The following ITGAM variants were observed in gnomAD, a reference collection of about 807,000 sequenced individuals.
ITGAM encodes the protein integrin alpha-M.
A neutral mutation model predicts 137.5 loss-of-function variants in ITGAM; 79 were observed. The ratio of observed to expected loss-of-function variants is 0.57; its 90% CI spans 0.48 to 0.69. The LOEUF is 0.69. ITGAM is among the 30% of genes least tolerant of loss of function. ITGAM has a pLI of 0.00. For missense variants in ITGAM, 1,343 were observed against 1,483.5 expected (o/e 0.91, Z 1.56); for synonymous variants, 583 against 592.3 (o/e 0.98, Z 0.23).
intron 5 of ITGAM, among the ~76,000 whole-genome samples, chr16:31,266,563 A>C (rs535672465): frequency 1.4e-4 from 22 of 152,038 alleles, no homozygotes; most frequent in African/African-American, 4.8e-4. Flanking sequence ...CTCTACAAAA[A>C]AAAAAAAAAA....
chr16:31,310,370 A>G (rs1188261485), intron 14 of ITGAM, among the ~76,000 whole-genome samples: 1 of 151,926 alleles, frequency 6.6e-6, no homozygotes, highest in Non-Finnish European at 1.5e-5. Context: ...ATAGTCCCAT[A>G]TTTCTTGGAG....
intron 5 of ITGAM, among the ~76,000 whole-genome samples, chr16:31,268,343 T>TA (rs1298254606): frequency 6.6e-6 from 1 of 152,174 alleles, no homozygotes; most frequent in Non-Finnish European, 1.5e-5. Flanking sequence ...TTTCATTTAT[T>TA]AAAAAATATA....
chr16:31,272,422 A>AATATATATATAT (rs2079850545), intron 7 of ITGAM, among the ~76,000 whole-genome samples: 82 of 48,950 alleles, frequency 1.7e-3, no homozygotes, highest in Non-Finnish European at 2.5e-3. Context: ...AGGCCAATTA[A>AATATATATATAT]CTATATATAT....
chr16:31,295,638 T>TTA (rs1324141426), intron 12 of ITGAM, among the ~76,000 whole-genome samples: 4 of 150,314 alleles, frequency 2.7e-5, no homozygotes, highest in Non-Finnish European at 5.9e-5. Context: ...ATATATGTTT[T>TTA]TATATATATA....
intron 12 of ITGAM, among the ~76,000 whole-genome samples, chr16:31,282,708 G>T (rs1209659168): frequency 2.0e-5 from 3 of 152,152 alleles, no homozygotes; most frequent in African/African-American, 7.2e-5. Flanking sequence ...GGAGCATTGA[G>T]CCCATTTACA....
chr16:31,331,096 C>A lies in ITGAM; in HGVS notation c.3277-69C>A, dbSNP rs532019605. 2.0e-5 allele frequency: 16 copies of A among 806,790 alleles called. No individual in the cohort carries two copies. In the East Asian group the frequency reaches 3.3e-4, roughly 17 times the overall value. The allele number at this position is 806,790 out of a possible 1,614,324, so 50.0% of individuals were successfully genotyped here. A position where few individuals can be genotyped will look rare whatever the true frequency, so the allele number is the denominator to read the frequency against. On this transcript the variant is annotated intron_variant, in intron 28 of 29. Coordinates refer to ENST00000544665, the MANE Select transcript of ITGAM (RefSeq NM_000632.4). ...GTTCCCCACTTGATTCAGGGGTGCACACGGTGTGAATGGGGAACCCCCAGA... is the reference window on the plus strand; with the variant it reads ...GTTCCCCACTTGATTCAGGGGTGCAAACGGTGTGAATGGGGAACCCCCAGA...
At chr16:31,319,900 C>T (rs2144475552) in intron 14 of ITGAM, among the ~76,000 whole-genome samples, 1 of 152,066 alleles carries the variant, frequency 6.6e-6, no homozygotes, top group East Asian at 1.9e-4. Flanking sequence ...GCAAGCTCCG[C>T]CTCCCGGGTT....
rs2080515229 is a variant in ITGAM, at chr16:31,326,996, C to T, written c.2708+61C>T. On this transcript the variant is annotated intron_variant, in intron 22 of 29. Transcript: ENST00000544665. ...CCGTCTGACGCCCCAGCCCCTGGCCCATGGTGGGCCTTTGCCCTTTGCCCA... is the reference window on the plus strand; with the variant it reads ...CCGTCTGACGCCCCAGCCCCTGGCCTATGGTGGGCCTTTGCCCTTTGCCCA... 1.1e-5 allele frequency: 14 copies of T among 1,269,172 alleles called. No homozygotes were observed. In the East Asian group the frequency reaches 2.8e-4, roughly 25 times the overall value. The allele number at this position is 1,269,172 out of a possible 1,614,324, so 78.6% of individuals were successfully genotyped here. A position where few individuals can be genotyped will look rare whatever the true frequency, so the allele number is the denominator to read the frequency against.
intron 14 of ITGAM, among the ~76,000 whole-genome samples, chr16:31,316,497 T>C (rs1335867266): frequency 6.6e-6 from 1 of 152,214 alleles, no homozygotes; most frequent in Non-Finnish European, 1.5e-5. Flanking sequence ...GTCAGTGTCA[T>C]GCTGTTTTGC....
intron 14 of ITGAM, among the ~76,000 whole-genome samples, chr16:31,320,048 G>A (rs900945581): frequency 5.3e-5 from 8 of 152,044 alleles, no homozygotes; most frequent in Non-Finnish European, 7.4e-5. Flanking sequence ...TCCTGACCTC[G>A]TGATCCGCCC....
rs776524892 is a variant in ITGAM, at chr16:31,297,611, A to G, written c.1454A>G (p.Gln485Arg). The G allele has an allele frequency of 2.0e-5, 32 of 1,613,112 alleles. No homozygotes were observed. Among genetic ancestry groups the G allele is most frequent in the Admixed American group, 3.3e-5 (2 of 59,978 alleles). The change falls in exon 13 of 30, where the codon CAG becomes CGG. Residue 485 changes from glutamine (Q) to arginine (R), a missense_variant. Physicochemically the swap from Gln to Arg is conservative, Grantham distance 43 (BLOSUM62 1). Transcript: ENST00000544665. ...ATCGGGGCCCCCCATTACTACGAGC[A>G]GACCCGAGGGGGCCAGGTGTCCGTG... ...VLIGAPHYYE[Q>R]TRGGQVSVCP...
intron 12 of ITGAM, among the ~76,000 whole-genome samples, chr16:31,294,828 G>A (rs1336423480): frequency 6.6e-6 from 1 of 152,014 alleles, no homozygotes; most frequent in Non-Finnish European, 1.5e-5. Flanking sequence ...TTTTCCCTTT[G>A]TTTTCTTCTA....
At chr16:31,281,010 T>A (rs1172717252) in intron 12 of ITGAM, among the ~76,000 whole-genome samples, 1 of 152,188 alleles carries the variant, frequency 6.6e-6, no homozygotes, top group Non-Finnish European at 1.5e-5. Context: ...GTTTATATGA[T>A]GGATTATGTT....
intron 12 of ITGAM, among the ~76,000 whole-genome samples, chr16:31,280,890 C>A (rs1347900980): frequency 2.0e-5 from 3 of 152,062 alleles, no homozygotes; most frequent in Admixed American, 6.6e-5. Flanking sequence ...GAGATACGTC[C>A]CATCAATACC....
rs1206478600 is a variant in ITGAM, at chr16:31,332,271, C to T, written c.*564C>T. 6.6e-6 allele frequency: 1 copy of T among 152,572 alleles called. No homozygotes were observed. Among genetic ancestry groups the T allele is most frequent in the Non-Finnish European group, 1.5e-5 (1 of 68,260 alleles). The allele number at this position is 152,572 out of a possible 1,614,324, so 9.5% of individuals were successfully genotyped here. A position where few individuals can be genotyped will look rare whatever the true frequency, so the allele number is the denominator to read the frequency against. On this transcript the variant is annotated 3_prime_UTR_variant, in exon 30 of 30. Coordinates refer to ENST00000544665, the MANE Select transcript of ITGAM (RefSeq NM_000632.4). The stretch of plus-strand genomic sequence containing the variant: ...CTTCCCGTCGCCTGCGAGCCTGCGG[C>T]CTGCTGGAGCCTGCGCAGCTTGGAT...
chr16:31,297,899 C>T lies in ITGAM; in HGVS notation c.1652C>T (p.Ala551Val), dbSNP rs537627084. The T allele has an allele frequency of 3.7e-6, 6 of 1,613,868 alleles. No individual in the cohort carries two copies. In the African/African-American group the frequency reaches 4.0e-5, roughly 11 times the overall value. The change falls in exon 14 of 30, where the codon GCT (alanine) becomes GTT (valine). Residue 551 changes from alanine to valine, a missense_variant. Transcript: ENST00000544665. ...CCAGGAGAGGAGGACAACCGGGGTG[C>T]TGTTTACCTGTTTCACGGAACCTCA... ...GAPGEEDNRG[A>V]VYLFHGTSGS...
At position 31,324,926 on chromosome 16, in the gene ITGAM, C is replaced by A; in HGVS notation, c.2290-32C>A. On this transcript the variant is annotated intron_variant, in intron 18 of 29. Coordinates refer to ENST00000544665, the MANE Select transcript of ITGAM (RefSeq NM_000632.4). The surrounding 1 kb of genome is among the most constrained non-coding windows in gnomAD (Gnocchi z 4.5). ...TTCACAATACTTGGTTATTTTCTTT[C>A]CTTTCATTTGATCATATTTATTTTT... 1 of 1,574,794 alleles carries A rather than the reference C, an allele frequency of 6.4e-7. No individual in the cohort carries two copies. The highest frequency in any genetic ancestry group is 8.6e-7 in the Non-Finnish European group (1 of 1,157,348).
At chr16:31,291,212 C>G (rs965718815) in intron 12 of ITGAM, among the ~76,000 whole-genome samples, 1 of 152,128 alleles carries the variant, frequency 6.6e-6, no homozygotes, top group Admixed American at 6.6e-5. Context: ...TGCACATGTA[C>G]CACATTTTCT....
At chr16:31,284,797 C>T (rs34245571) in intron 12 of ITGAM, among the ~76,000 whole-genome samples, 2,262 of 152,218 alleles carry the variant, frequency 0.015, 30 homozygotes, top group Non-Finnish European at 0.025. Context: ...TTGTCTTCTG[C>T]GTCACTCACG....
Sources: allele counts gnomAD v4.1 joint callset (sites outside exome capture counted in the v4.1 genomes callset), GRCh38; gene constraint gnomAD v4.1.1; non-coding constraint Gnocchi (gnomAD v3.1); transcripts MANE v1.5; gene names NCBI Gene and HGNC (gene_info 2026-07-23, HGNC 2026-07-21).